The following FAM184B variants were observed in gnomAD, a reference collection of about 807,000 sequenced individuals.
FAM184B encodes family with sequence similarity 184 member B.
Under a neutral mutation model 135.9 loss-of-function variants are expected in FAM184B, and 111 were observed. The ratio of observed to expected loss-of-function variants is 0.82; its 90% CI spans 0.70 to 0.96. FAM184B has a LOEUF of 0.96. FAM184B is among the 40% of genes least tolerant of loss of function. The pLI, the probability that FAM184B is intolerant of heterozygous loss-of-function variation, is 0.00. For missense variants in FAM184B, 1,375 were observed against 1,323.9 expected (o/e 1.04, Z -0.60); for synonymous variants, 552 against 524.8 (o/e 1.05, Z -0.71).
chr4:17,724,853 C>T (rs913209473), intron 1 of FAM184B, among the ~76,000 whole-genome samples: 2 of 152,178 alleles, frequency 1.3e-5, no homozygotes, highest in Admixed American at 1.3e-4. Context: ...TCCTCCAGAC[C>T]ACCCTTCGTA....
In FAM184B at chr4:17,640,933, TTTG is replaced by T. The variant is rs141282784; in HGVS notation, c.2519+1120_2519+1122del. ...AGCCCTGACAGGCCAGGTTTTTTGT[TTTG>T]TTTGTTTTGTTTTTTGAGACAGATT... On this transcript the variant is annotated intron_variant, in intron 13 of 17. Transcript: ENST00000265018. 5.3e-3 allele frequency among the ~76,000 whole-genome samples: 803 copies of T among 151,850 alleles called. 9 individuals carry two copies. Among genetic ancestry groups the T allele is most frequent in the African/African-American group, 0.018 (755 of 41,458 alleles).
rs776668133 is a variant in FAM184B at position 17,715,565 on chromosome 4, C to A, written c.142-5921G>T. 2.6e-5 allele frequency among the ~76,000 whole-genome samples: 4 copies of A among 152,048 alleles called. No homozygotes were observed. The East Asian group carries it at 5.8e-4, about 22-fold the overall frequency. On this transcript the variant is annotated intron_variant, in intron 1 of 17. Transcript: ENST00000265018. ...AATTAAAGGAATAAATTCAAGAGAT[C>A]TTTCATATAGCACAGTGACTGTAGT...
chr4:17,648,272 A>G (rs1388699537), intron 11 of FAM184B, among the ~76,000 whole-genome samples: 1 of 152,132 alleles, frequency 6.6e-6, no homozygotes, highest in East Asian at 1.9e-4. Flanking sequence ...AAAGAACAGG[A>G]AATTATCAAA....
rs769182883 is a variant in FAM184B at position 17,652,996 on chromosome 4, G to C, written c.2038-13C>G. 11 of 1,551,374 alleles carry C rather than the reference G, an allele frequency of 7.1e-6. No individual in the cohort carries two copies. The highest frequency in any genetic ancestry group is 8.7e-7 in the Non-Finnish European group (1 of 1,146,798). On this transcript the variant is annotated splice_polypyrimidine_tract_variant and intron_variant, in intron 10 of 17. Coordinates refer to ENST00000265018, the MANE Select transcript of FAM184B (RefSeq NM_015688.2). ...GTTCCTCTGTGGCCTGTGGGAAAAA[G>C]TGGGAACAAGAAGGCATGAAAGTGG...
chr4:17,712,534 G>A (rs185921590), intron 1 of FAM184B, among the ~76,000 whole-genome samples: 78 of 152,240 alleles, frequency 5.1e-4, no homozygotes, highest in African/African-American at 1.8e-3. Context: ...TATCCATGAG[G>A]CTGTCTATTG....
At position 17,709,440 on chromosome 4, in the gene FAM184B, C is replaced by T. The variant is rs1158511583; in HGVS notation, c.346G>A (p.Glu116Lys). 5.9e-6 allele frequency: 9 copies of T among 1,522,288 alleles called. No individual in the cohort carries two copies. The African/African-American group carries it at 1.1e-4, about 19-fold the overall frequency. 94.3% of individuals were successfully genotyped at this position (1,522,288 alleles called of 1,614,324 possible). ...SALELQKRLT[E>K]EALAESASCR... The stretch of plus-strand genomic sequence containing the variant: ...GAGGCCGACTCAGCCAGCGCCTCCT[C>T]CGTCAGCCTCTTTTGCAGCTCCAGG... The change falls in exon 2 of 18, where the codon GAG becomes AAG. Residue 116 changes from glutamate (E) to lysine (K), a missense_variant. By Grantham distance (56) the Glu-to-Lys change is moderately conservative (BLOSUM62 1). Transcript: ENST00000265018.
In FAM184B at chr4:17,708,961, G is replaced by A. The variant is rs267600082; in HGVS notation, c.825C>T (p.Asp275=). The change falls in exon 2 of 18, where the codon GAC becomes GAT. Residue 275 remains aspartate, a synonymous_variant. Coordinates refer to ENST00000265018, the MANE Select transcript of FAM184B (RefSeq NM_015688.2). The part of the protein sequence containing the change: ...LQAQVRKLEG[D]LEHRGRKISD... ...TTATCTTGCGGCCTCTGTGCTCCAG[G>A]TCTCCTTCCAGCTTCCGGACCTGAG... 3 of 1,550,268 alleles carry A rather than the reference G, an allele frequency of 1.9e-6. No homozygotes were observed. The South Asian group carries it at 3.6e-5, about 18-fold the overall frequency.
At chr4:17,730,999 G>T (rs1041966830) in intron 1 of FAM184B, among the ~76,000 whole-genome samples, 7 of 152,128 alleles carry the variant, frequency 4.6e-5, no homozygotes, top group South Asian at 2.1e-4. Flanking sequence ...AATGGAAGAC[G>T]AAATGAATGA....
At chr4:17,741,300 A>G (rs1718026668) in intron 1 of FAM184B, among the ~76,000 whole-genome samples, 1 of 152,244 alleles carries the variant, frequency 6.6e-6, no homozygotes, top group South Asian at 2.1e-4. Flanking sequence ...TGGTCAAGAA[A>G]GGCTTCACTG....
intron 7 of FAM184B, among the ~76,000 whole-genome samples, chr4:17,667,723 G>A (rs898869046): frequency 6.6e-6 from 1 of 152,190 alleles, no homozygotes; most frequent in African/African-American, 2.4e-5. Context: ...ACATACTCTG[G>A]ACCATGTGAC....
At chr4:17,664,348 TG>T (rs1405900080) in intron 8 of FAM184B, among the ~76,000 whole-genome samples, 2 of 152,196 alleles carry the variant, frequency 1.3e-5, no homozygotes, top group African/African-American at 4.8e-5. Flanking sequence ...AGCTAAAAAA[TG>T]GCTTCTCTGG....
In FAM184B at chr4:17,668,527, ATTG is replaced by A. The variant is rs574232351; in HGVS notation, c.1597-3871_1597-3869del. Among the ~76,000 whole-genome samples, 25 of 151,836 alleles carry A rather than the reference ATTG, an allele frequency of 1.6e-4. No homozygotes were observed. The East Asian group carries it at 4.6e-3, about 28-fold the overall frequency. On this transcript the variant is annotated intron_variant, in intron 7 of 17. Transcript: ENST00000265018. ...TTGCTACCACAATTTTCTTTTTGTT[ATTG>A]TTGTTTTTTGTTTTGTTTTTGAGAC...
At chr4:17,684,767 AC>A (rs1198545550) in intron 7 of FAM184B, among the ~76,000 whole-genome samples, 1 of 152,214 alleles carries the variant, frequency 6.6e-6, no homozygotes, top group Admixed American at 6.5e-5. Flanking sequence ...ACTATTCACA[AC>A]AGCAAAGACA....
At chr4:17,678,859 T>C (rs1716376192) in intron 7 of FAM184B, among the ~76,000 whole-genome samples, 1 of 151,332 alleles carries the variant, frequency 6.6e-6, no homozygotes, top group Non-Finnish European at 1.5e-5. Flanking sequence ...CAATAGAAAA[T>C]CCAGAATTAA....
chr4:17,721,897 T>C (rs968206725), intron 1 of FAM184B, among the ~76,000 whole-genome samples: 1 of 152,180 alleles, frequency 6.6e-6, no homozygotes, highest in African/African-American at 2.4e-5. Context: ...ACGCAGGAAG[T>C]TTCTCTCACA....
intron 10 of FAM184B, among the ~76,000 whole-genome samples, chr4:17,653,933 G>GA (rs1436881591): frequency 0.016 from 20 of 1,284 alleles, no homozygotes; most frequent in Admixed American, 0.041. Context: ...AGGGGGAGGG[G>GA]GATTTGAAGC....
At chr4:17,681,595 C>T (rs112166391) in intron 7 of FAM184B, among the ~76,000 whole-genome samples, 282 of 152,322 alleles carry the variant, frequency 1.9e-3, no homozygotes, top group African/African-American at 6.5e-3. Flanking sequence ...TGCCTGCCAA[C>T]GGCCAGGACA....
intron 1 of FAM184B, among the ~76,000 whole-genome samples, chr4:17,770,386 CT>C (rs1186235426): frequency 2.0e-5 from 3 of 152,126 alleles, no homozygotes; most frequent in Non-Finnish European, 4.4e-5. Flanking sequence ...TGGAGGTGGA[CT>C]TACTCATTTT....
chr4:17,735,840 C>A (rs1420068106), intron 1 of FAM184B, among the ~76,000 whole-genome samples: 1 of 152,200 alleles, frequency 6.6e-6, no homozygotes, highest in Non-Finnish European at 1.5e-5. Flanking sequence ...CATACACCTA[C>A]ACACAGTGCC....
Sources: allele counts gnomAD v4.1 joint callset (sites outside exome capture counted in the v4.1 genomes callset), GRCh38; gene constraint gnomAD v4.1.1; transcripts MANE v1.5; gene names NCBI Gene and HGNC (gene_info 2026-07-23, HGNC 2026-07-21).